The following CNTN3 variants were observed in gnomAD, a reference collection of about 807,000 sequenced individuals.
CNTN3 encodes the protein contactin-3.
A neutral mutation model predicts 119.1 loss-of-function variants in CNTN3; 60 were observed. The observed-to-expected ratio is 0.50, with a 90% CI of 0.41 to 0.62. The LOEUF (loss-of-function observed/expected upper bound fraction) is 0.62, where lower values mean the gene tolerates loss of function less well. Ranked by LOEUF, CNTN3 falls within the 20% of genes least tolerant of loss-of-function variation. The probability of loss-of-function intolerance (pLI) is 0.00; values close to 1 mark genes in which losing one functional copy is unlikely to be tolerated. For synonymous variants in CNTN3, 450 were observed against 438.7 expected (o/e 1.03, Z -0.32); for missense variants, 1,101 against 1,242.4 (o/e 0.89, Z 1.71).
intron 11 of CNTN3, among the ~76,000 whole-genome samples, chr3:74,339,490 AC>A (rs1038149822): frequency 6.6e-6 from 1 of 152,136 alleles, no homozygotes; most frequent in Non-Finnish European, 1.5e-5. Flanking sequence ...CTTTCCTGAA[AC>A]CATGAGTTAG....
At chr3:74,513,114 C>T (rs1363727775) in intron 2 of CNTN3, among the ~76,000 whole-genome samples, 2 of 152,112 alleles carry the variant, frequency 1.3e-5, no homozygotes, top group African/African-American at 4.8e-5. Flanking sequence ...TCTCCCTTTA[C>T]TTACTGGGTG....
At chr3:74,486,723 C>G (rs576966561) in intron 3 of CNTN3, 92 bp from the exon 4 acceptor site, 12 of 1,080,746 alleles carry the variant, frequency 1.1e-5, no homozygotes, top group African/African-American at 8.2e-5. Context: ...CATTATCCCT[C>G]AAAAGTAAAA....
intron 5 of CNTN3, among the ~76,000 whole-genome samples, chr3:74,409,896 A>G (rs1701410045): frequency 6.6e-6 from 1 of 152,174 alleles, no homozygotes; most frequent in African/African-American, 2.4e-5. Flanking sequence ...TTTTAGCAAA[A>G]CAGCATTTCT....
At chr3:74,342,464 C>T (rs1411968714) in intron 11 of CNTN3, among the ~76,000 whole-genome samples, 2 of 152,088 alleles carry the variant, frequency 1.3e-5, no homozygotes, top group Non-Finnish European at 2.9e-5. Context: ...AGTTAATTAA[C>T]CTAACTTTGA....
chr3:74,346,075 G>C (rs560788959), intron 11 of CNTN3, among the ~76,000 whole-genome samples: 1 of 151,942 alleles, frequency 6.6e-6, no homozygotes, highest in Non-Finnish European at 1.5e-5. Flanking sequence ...TGTGAAATAC[G>C]ACACGATATA....
chr3:74,264,470 G>C lies in CNTN3; in HGVS notation c.3018C>G (p.Ile1006Met). ...SMDARGSTSA[I>M]SNVHPMSSYM... Reference sequence around the variant, plus strand: ...AACTTGACATAGGGTGGACATTCGAGATGGCTGAAGTGGATCCTCTTGCAT... The same window carrying C: ...AACTTGACATAGGGTGGACATTCGACATGGCTGAAGTGGATCCTCTTGCAT... Residue 1006 changes from isoleucine to methionine, a missense_variant, in exon 23 of 23, where the codon ATC (isoleucine) becomes ATG (methionine). By Grantham distance (10) the Ile-to-Met change is conservative. Transcript: ENST00000263665. 6.2e-7 allele frequency: 1 copy of C among 1,612,038 alleles called. No homozygotes were observed. The highest frequency in any genetic ancestry group is 8.5e-7 in the Non-Finnish European group (1 of 1,178,586).
intron 4 of CNTN3, among the ~76,000 whole-genome samples, chr3:74,459,542 C>A (rs1004382287): frequency 6.6e-6 from 1 of 152,032 alleles, no homozygotes; most frequent in African/African-American, 2.4e-5. Flanking sequence ...CCACTAATCT[C>A]TGTAAATTCT....
intron 1 of CNTN3, among the ~76,000 whole-genome samples, chr3:74,549,707 T>C (rs992522214): frequency 6.6e-6 from 1 of 152,144 alleles, no homozygotes; most frequent in Non-Finnish European, 1.5e-5. Flanking sequence ...TTGCCAGTGT[T>C]AAATGGGCCC....
rs1434298916 is a variant in CNTN3, at chr3:74,334,587, G to A, written c.1668+148C>T. 4 of 593,742 alleles carry A rather than the reference G, an allele frequency of 6.7e-6. No individual in the cohort carries two copies. The African/African-American group carries it at 7.5e-5, about 11-fold the overall frequency. 36.8% of individuals were successfully genotyped at this position (593,742 alleles called of 1,614,324 possible). On this transcript the variant is annotated intron_variant, in intron 13 of 22. Coordinates refer to ENST00000263665, the MANE Select transcript of CNTN3 (RefSeq NM_020872.3). ...TCTGGTAATTACAAAAATAAAATTA[G>A]ATCAAAACAGAACTGAGAACCACTC... is the stretch of plus-strand genomic sequence containing the variant.
At chr3:74,304,307 C>G (rs745762752) in intron 13 of CNTN3, among the ~76,000 whole-genome samples, 2 of 152,342 alleles carry the variant, frequency 1.3e-5, no homozygotes, top group African/African-American at 4.8e-5. Flanking sequence ...CTCTCTCCCT[C>G]TCCTTCTCCT....
In CNTN3 at chr3:74,541,992, G is replaced by A. The variant is rs370251442; in HGVS notation, c.-80-20800C>T. ...CTCATACTTGTAACACCAGCACTTG[G>A]GAAGCCAAGGCAGGAGGATTGCTTG... On this transcript the variant is annotated intron_variant, in intron 1 of 22. Transcript: ENST00000263665. 2.4e-3 allele frequency among the ~76,000 whole-genome samples: 359 copies of A among 152,208 alleles called. 4 individuals carry two copies. The highest frequency in any genetic ancestry group is 8.1e-3 in the African/African-American group (335 of 41,524).
At chr3:74,353,000 TGA>T (rs1371306378) in intron 11 of CNTN3, among the ~76,000 whole-genome samples, 1 of 152,062 alleles carries the variant, frequency 6.6e-6, no homozygotes, top group African/African-American at 2.4e-5. Flanking sequence ...AGTGGAAGGC[TGA>T]GAGAGATGGG....
chr3:74,361,910 C>G lies in CNTN3; in HGVS notation c.1344G>C (p.Val448=). ...RALSSWKKGD[V]SVQEHERISL... ...AATACCTTTCATGCTCCTGCACGCT[C>G]ACATCCCCCTTCTTCCAGGAAGAGA... is the stretch of plus-strand genomic sequence containing the variant. The change falls in exon 11 of 23, where the codon GTG becomes GTC. Residue 448 remains valine, a synonymous_variant. Transcript: ENST00000263665. 1 of 1,613,156 alleles carries G rather than the reference C, an allele frequency of 6.2e-7. No individual in the cohort carries two copies. Among genetic ancestry groups the G allele is most frequent in the Non-Finnish European group, 8.5e-7 (1 of 1,179,496 alleles).
chr3:74,413,027 C>T (rs6783072), intron 5 of CNTN3, among the ~76,000 whole-genome samples: 90,084 of 152,074 alleles, frequency 0.59, 29,528 homozygotes, highest in East Asian at 0.8. Context: ...TTTGCTGCTC[C>T]TCTCTGTGGC....
chr3:74,347,219 C>T (rs373133108), intron 11 of CNTN3, among the ~76,000 whole-genome samples: 9 of 152,092 alleles, frequency 5.9e-5, no homozygotes, highest in African/African-American at 2.2e-4. Flanking sequence ...CAAGAATACA[C>T]AGTCTCTTTT....
At chr3:74,594,707 T>G (rs1189866233) in intron 1 of CNTN3, among the ~76,000 whole-genome samples, 3 of 152,158 alleles carry the variant, frequency 2.0e-5, no homozygotes, top group Non-Finnish European at 4.4e-5. Flanking sequence ...TGTTGGACAT[T>G]TGGGTTGGTC....
At chr3:74,274,126 C>G (rs1701834599) in intron 20 of CNTN3, among the ~76,000 whole-genome samples, 1 of 151,844 alleles carries the variant, frequency 6.6e-6, no homozygotes, top group African/African-American at 2.4e-5. Flanking sequence ...GGGAACCTCA[C>G]GCCCATCCCC....
chr3:74,299,701 T>C (rs1024104615), intron 17 of CNTN3, among the ~76,000 whole-genome samples, 167 bp downstream of exon 17: 1 of 151,990 alleles, frequency 6.6e-6, no homozygotes, highest in Non-Finnish European at 1.5e-5. Context: ...CCACTACCAC[T>C]AATCCCACCA....
chr3:74,362,057 G>A lies in CNTN3; in HGVS notation c.1214-17C>T. On this transcript the variant is annotated splice_polypyrimidine_tract_variant and intron_variant, in intron 10 of 22. Coordinates refer to ENST00000263665, the MANE Select transcript of CNTN3 (RefSeq NM_020872.3). ...GAGCAGAAGCTGAAAGGCAAGAAAG[G>A]AGAGAAGGAGAAGTGGATCATTTAC... 1 of 1,611,344 alleles carries A rather than the reference G, an allele frequency of 6.2e-7. No individual in the cohort carries two copies. The highest frequency in any genetic ancestry group is 1.3e-5 in the African/African-American group (1 of 74,968).
Sources: allele counts gnomAD v4.1 joint callset (sites outside exome capture counted in the v4.1 genomes callset), GRCh38; gene constraint gnomAD v4.1.1; transcripts MANE v1.5; gene names NCBI Gene and HGNC (gene_info 2026-07-23, HGNC 2026-07-21).